The following FSTL4 variants were observed in gnomAD, a reference collection of about 807,000 sequenced individuals.
FSTL4 encodes follistatin-related protein 4.
A neutral mutation model predicts 78.2 loss-of-function variants in FSTL4; 28 were observed. That is an observed-to-expected ratio of 0.36 (90% CI 0.27 to 0.49). The LOEUF (loss-of-function observed/expected upper bound fraction) is 0.49, where lower values mean the gene tolerates loss of function less well. FSTL4 is among the 20% of genes least tolerant of loss of function. The pLI is 0.98. For synonymous variants in FSTL4, 422 were observed against 440.5 expected (o/e 0.96, Z 0.53); for missense variants, 922 against 1,084.9 (o/e 0.85, Z 2.11).
intron 5 of FSTL4, 55 bp downstream of exon 5, chr5:133,316,404 G>C: frequency 7.0e-7 from 1 of 1,420,382 alleles, no homozygotes; most frequent in Non-Finnish European, 9.8e-7. Context: ...GCCGGGGTGG[G>C]AAATGGAAAA....
rs1274334889 is a variant in FSTL4 at position 133,612,397 on chromosome 5, G to T, written c.-83C>A. 2 of 151,768 alleles carry T rather than the reference G, an allele frequency of 1.3e-5. No individual in the cohort carries two copies. Among genetic ancestry groups the T allele is most frequent in the African/African-American group, 2.4e-5 (1 of 41,296 alleles). 9.4% of individuals were successfully genotyped at this position (151,768 alleles called of 1,614,324 possible). On this transcript the variant is annotated 5_prime_UTR_variant, in exon 1 of 16. Coordinates refer to ENST00000265342, the MANE Select transcript of FSTL4 (RefSeq NM_015082.2). The surrounding 1 kb of genome is among the most constrained non-coding windows in gnomAD (Gnocchi z 6.2). ...GGGAGGGAGGGAGCACCCCGTGGCG[G>T]CGGCGGCGACCCCGCCCCGCGTCCT...
At chr5:133,822,418 G>A in the FSTL4 span, among the ~76,000 whole-genome samples, 1 of 152,192 alleles carries the variant, frequency 6.6e-6, no homozygotes, top group Non-Finnish European at 1.5e-5. Flanking sequence ...TATTTGAAGA[G>A]CATATTCTCA....
chr5:133,515,607 A>T (rs1758836242), intron 3 of FSTL4, among the ~76,000 whole-genome samples: 1 of 152,140 alleles, frequency 6.6e-6, no homozygotes, highest in Non-Finnish European at 1.5e-5. Context: ...TATTATAATA[A>T]CTATAAATAG....
rs1464881952 is a variant in FSTL4 at position 133,557,081 on chromosome 5, C to T, written c.160+10105G>A. 2.6e-5 allele frequency among the ~76,000 whole-genome samples: 4 copies of T among 152,162 alleles called. No individual in the cohort carries two copies. In the South Asian group the frequency reaches 8.3e-4, roughly 32 times the overall value. On this transcript the variant is annotated intron_variant, in intron 3 of 15. Coordinates refer to ENST00000265342, the MANE Select transcript of FSTL4 (RefSeq NM_015082.2). Reference sequence around the variant, plus strand: ...TACCTCCTGCAGCTACCCTAGGGGACAGGGCAAAAGAACAAGGTGAAAGAA... The same window carrying T: ...TACCTCCTGCAGCTACCCTAGGGGATAGGGCAAAAGAACAAGGTGAAAGAA...
chr5:133,605,989 C>G (rs555160380), intron 1 of FSTL4, among the ~76,000 whole-genome samples: 1 of 152,112 alleles, frequency 6.6e-6, no homozygotes, highest in Admixed American at 6.5e-5. Flanking sequence ...CCCTCCCCTG[C>G]CCCCCAATGG....
chr5:133,359,838 G>A lies in FSTL4; in HGVS notation c.409+40900C>T, dbSNP rs1755031009. Among the ~76,000 whole-genome samples the A allele has an allele frequency of 2.0e-5, 3 of 152,324 alleles. No homozygotes were observed. In the South Asian group the frequency reaches 6.2e-4, roughly 32 times the overall value. ...TTTTCCTACCCGTTCTGCTGCTGGTGATGGCCTCAGTTGTCCCTCACGGGA... is the reference window on the plus strand; with the variant it reads ...TTTTCCTACCCGTTCTGCTGCTGGTAATGGCCTCAGTTGTCCCTCACGGGA... On this transcript the variant is annotated intron_variant, in intron 4 of 15. Transcript: ENST00000265342.
chr5:133,514,234 T>C (rs1056786637), intron 3 of FSTL4, among the ~76,000 whole-genome samples: 35 of 148,076 alleles, frequency 2.4e-4, no homozygotes, highest in Admixed American at 8.1e-4. Context: ...AAACCGTTGG[T>C]TCAGGGAGAA....
At chr5:133,688,394 C>A in the FSTL4 span, among the ~76,000 whole-genome samples, 1 of 152,088 alleles carries the variant, frequency 6.6e-6, no homozygotes, top group Admixed American at 6.5e-5. Flanking sequence ...GCCTGGGTGA[C>A]AGAACGAGAC....
chr5:133,512,909 C>T (rs1257852044), intron 3 of FSTL4, among the ~76,000 whole-genome samples: 1 of 152,146 alleles, frequency 6.6e-6, no homozygotes, highest in Non-Finnish European at 1.5e-5. Context: ...CCTCCACTTT[C>T]CAGGTTCAAG....
the FSTL4 span, among the ~76,000 whole-genome samples, chr5:133,746,665 A>G: frequency 6.6e-6 from 1 of 152,212 alleles, no homozygotes; most frequent in African/African-American, 2.4e-5. Context: ...AACAAGAACC[A>G]GAATAGACAG....
At chr5:133,602,670 A>G (rs1193383098) in intron 2 of FSTL4, among the ~76,000 whole-genome samples, 1 of 152,214 alleles carries the variant, frequency 6.6e-6, no homozygotes, top group African/African-American at 2.4e-5. Context: ...CTCTTTCAAA[A>G]GAGCATTAAA....
chr5:133,797,196 C>A, the FSTL4 span, among the ~76,000 whole-genome samples: 3 of 152,312 alleles, frequency 2.0e-5, no homozygotes, highest in East Asian at 1.9e-4. Context: ...GAGTTACAGG[C>A]AAAGACATAA....
intron 4 of FSTL4, among the ~76,000 whole-genome samples, chr5:133,323,077 A>G (rs1284662642): frequency 1.3e-5 from 2 of 152,068 alleles, no homozygotes; most frequent in Admixed American, 6.6e-5. Flanking sequence ...CCCTATAACA[A>G]CCTTGTCTAA....
intron 2 of FSTL4, among the ~76,000 whole-genome samples, chr5:133,595,936 G>A (rs1290533453): frequency 6.6e-6 from 1 of 152,240 alleles, no homozygotes; most frequent in Non-Finnish European, 1.5e-5. Context: ...CAGGGCCGGG[G>A]ATGCCTTAGG....
At chr5:133,636,610 C>T in the FSTL4 span, among the ~76,000 whole-genome samples, 2 of 152,090 alleles carry the variant, frequency 1.3e-5, no homozygotes, top group Admixed American at 6.6e-5. Flanking sequence ...ATAGAACCTA[C>T]CACTTAGGGG....
intron 3 of FSTL4, among the ~76,000 whole-genome samples, chr5:133,410,531 C>G (rs1227201741): frequency 6.6e-6 from 1 of 152,210 alleles, no homozygotes; most frequent in Non-Finnish European, 1.5e-5. Flanking sequence ...TGGAGTTACT[C>G]TGTGAGCCGC....
chr5:133,733,204 T>A, the FSTL4 span, among the ~76,000 whole-genome samples: 1 of 152,208 alleles, frequency 6.6e-6, no homozygotes, highest in Non-Finnish European at 1.5e-5. Context: ...ACCAGCTTCA[T>A]TGGTTATAAC....
chr5:133,604,931 A>G (rs1409352095), intron 1 of FSTL4, among the ~76,000 whole-genome samples: 3 of 152,206 alleles, frequency 2.0e-5, no homozygotes, highest in African/African-American at 7.2e-5. Context: ...ACATTACTGT[A>G]TACAGTCCTA....
chr5:133,472,087 T>A (rs533527614), intron 3 of FSTL4, among the ~76,000 whole-genome samples: 1 of 152,302 alleles, frequency 6.6e-6, no homozygotes, highest in East Asian at 1.9e-4. Context: ...AGCAGAGAAC[T>A]CCTGCACTCC....
Sources: allele counts gnomAD v4.1 joint callset (sites outside exome capture counted in the v4.1 genomes callset), GRCh38; gene constraint gnomAD v4.1.1; non-coding constraint Gnocchi (gnomAD v3.1); transcripts MANE v1.5; gene names NCBI Gene and HGNC (gene_info 2026-07-23, HGNC 2026-07-21).